MGAT4C: variants seen among roughly 807,000 people sequenced by gnomAD.
MGAT4C encodes the protein MGAT4 family member C.
Under a neutral mutation model 40.1 loss-of-function variants are expected in MGAT4C, and 19 were observed. That is an observed-to-expected ratio of 0.47 (90% CI 0.33 to 0.70). The LOEUF is 0.70. MGAT4C is among the 30% of genes least tolerant of loss of function. The pLI is 0.02. For synonymous variants in MGAT4C, 181 were observed against 187.1 expected, an observed-to-expected ratio of 0.97 and a Z score of 0.27; for missense variants, 491 against 563.2, an observed-to-expected ratio of 0.87 and a Z score of 1.30.
intron 2 of MGAT4C, among the ~76,000 whole-genome samples, chr12:86,504,397 A>G (rs1428540662): frequency 6.6e-6 from 1 of 152,220 alleles, no homozygotes; most frequent in Non-Finnish European, 1.5e-5. Flanking sequence ...CCAAATGTCC[A>G]TCTACAGTAG....
At chr12:86,028,640 A>C (rs1890462633) in intron 2 of MGAT4C, among the ~76,000 whole-genome samples, 1 of 151,916 alleles carries the variant, frequency 6.6e-6, no homozygotes, top group Admixed American at 6.6e-5. Context: ...TCTTTAATTA[A>C]AATTTGAGAA....
intron 2 of MGAT4C, among the ~76,000 whole-genome samples, chr12:86,504,010 C>T (rs1325865635): frequency 6.6e-6 from 1 of 151,322 alleles, no homozygotes; most frequent in Non-Finnish European, 1.5e-5. Context: ...TGAAAAGGCA[C>T]TTAAAATGTG....
intron 1 of MGAT4C, among the ~76,000 whole-genome samples, chr12:86,735,861 A>C (rs1248263905): frequency 6.6e-6 from 1 of 151,890 alleles, no homozygotes; most frequent in East Asian, 1.9e-4. Flanking sequence ...TGTCTGTCAC[A>C]CTGACTTGCT....
chr12:86,654,719 ACC>A (rs200886236), intron 2 of MGAT4C, among the ~76,000 whole-genome samples: 10 of 140,868 alleles, frequency 7.1e-5, no homozygotes, highest in South Asian at 2.1e-4. Context: ...TTTTCCCTGT[ACC>A]TTTTTTTTTT....
intron 4 of MGAT4C, among the ~76,000 whole-genome samples, chr12:86,313,975 C>T (rs895624889): frequency 4.6e-5 from 7 of 152,150 alleles, no homozygotes; most frequent in Non-Finnish European, 1.0e-4. Context: ...AAATGAATTA[C>T]TTCTGCTTCA....
upstream of MGAT4C, among the ~76,000 whole-genome samples, chr12:86,258,932 C>A (rs956671964): frequency 6.6e-6 from 1 of 151,824 alleles, no homozygotes; most frequent in African/African-American, 2.4e-5. Flanking sequence ...TTATCACATA[C>A]ATTAAGTCAA....
intron 4 of MGAT4C, among the ~76,000 whole-genome samples, chr12:86,312,340 A>G (rs1954100368): frequency 6.6e-6 from 1 of 152,240 alleles, no homozygotes; most frequent in East Asian, 1.9e-4. Flanking sequence ...CCAAATCTGG[A>G]AAGTGTGAAG....
At chr12:86,296,580 G>A (rs1168489934) in intron 4 of MGAT4C, among the ~76,000 whole-genome samples, 1 of 152,210 alleles carries the variant, frequency 6.6e-6, no homozygotes, top group Admixed American at 6.5e-5. Flanking sequence ...GCGAGAAATC[G>A]AGCGCAGCGC....
At chr12:86,194,393 G>A (rs999424722) in intron 1 of MGAT4C, among the ~76,000 whole-genome samples, 1 of 151,884 alleles carries the variant, frequency 6.6e-6, no homozygotes, top group African/African-American at 2.4e-5. Context: ...TTTTAATGTA[G>A]GTATTTTCAG....
At chr12:86,530,004 T>C (rs1958952515) in intron 2 of MGAT4C, among the ~76,000 whole-genome samples, 1 of 151,100 alleles carries the variant, frequency 6.6e-6, no homozygotes. Context: ...TTTAAAATTT[T>C]ATATTATTTC....
At chr12:86,377,809 T>G (rs1955858707) in intron 3 of MGAT4C, among the ~76,000 whole-genome samples, 1 of 152,144 alleles carries the variant, frequency 6.6e-6, no homozygotes, top group Non-Finnish European at 1.5e-5. Context: ...AGAACTTTTC[T>G]CAGCTTTCCA....
At chr12:86,050,577 A>G (rs962734033) in intron 1 of MGAT4C, among the ~76,000 whole-genome samples, 3 of 152,036 alleles carry the variant, frequency 2.0e-5, no homozygotes, top group Admixed American at 2.0e-4. Context: ...TTATGTAAAC[A>G]TTATTCTTTC....
intron 2 of MGAT4C, among the ~76,000 whole-genome samples, chr12:86,686,005 G>A (rs955460554): frequency 3.0e-4 from 46 of 151,260 alleles, no homozygotes; most frequent in African/African-American, 9.2e-4. Context: ...TGGGACTACA[G>A]GCACCTGCCA....
intron 1 of MGAT4C, among the ~76,000 whole-genome samples, chr12:86,147,217 G>T (rs1448594926): frequency 2.0e-5 from 3 of 152,086 alleles, no homozygotes; most frequent in African/African-American, 7.2e-5. Flanking sequence ...AGGGTATAGA[G>T]AAGAAATAAG....
intron 4 of MGAT4C, among the ~76,000 whole-genome samples, chr12:86,318,440 G>A (rs1319157961): frequency 6.6e-6 from 1 of 152,226 alleles, no homozygotes; most frequent in Non-Finnish European, 1.5e-5. Context: ...TTCTCTGGAA[G>A]TGTTGGTGCT....
chr12:86,837,692 A>G (rs1474338996), intron 1 of MGAT4C, among the ~76,000 whole-genome samples: 1 of 152,142 alleles, frequency 6.6e-6, no homozygotes, highest in Non-Finnish European at 1.5e-5. Flanking sequence ...ACACAATAAT[A>G]AAACATTAAA....
intron 2 of MGAT4C, among the ~76,000 whole-genome samples, chr12:86,563,565 G>T (rs562681249): frequency 3.9e-5 from 6 of 152,292 alleles, no homozygotes; most frequent in Admixed American, 1.3e-4. Flanking sequence ...AGGGGAGGCT[G>T]GGTCCCCTTG....
At chr12:86,090,654 T>G (rs1350257847) in intron 1 of MGAT4C, among the ~76,000 whole-genome samples, 1 of 151,878 alleles carries the variant, frequency 6.6e-6, no homozygotes, top group East Asian at 1.9e-4. Flanking sequence ...GGCTAGCAAT[T>G]CTTTTGTGAC....
chr12:86,355,444 G>T (rs912282312), intron 3 of MGAT4C, among the ~76,000 whole-genome samples: 2 of 152,132 alleles, frequency 1.3e-5, no homozygotes, highest in African/African-American at 2.4e-5. Context: ...CAAATTTACA[G>T]ATTTTTATAA....
Sources: gnomAD v4.1 joint callset for allele counts (sites outside exome capture counted in the v4.1 genomes callset) on GRCh38, gnomAD v4.1.1 for gene constraint, MANE v1.5 for transcripts, NCBI Gene and HGNC (gene_info 2026-07-23, HGNC 2026-07-21) for gene names.